MMS19: variants seen among roughly 807,000 people sequenced by gnomAD.
The protein encoded by MMS19 is MMS19 cytosolic iron-sulfur assembly component.
Under a neutral mutation model 129.8 loss-of-function variants are expected in MMS19, and 77 were observed. That is an observed-to-expected ratio of 0.59 (90% CI 0.49 to 0.72). The LOEUF (loss-of-function observed/expected upper bound fraction) is 0.72, where lower values mean the gene tolerates loss of function less well. MMS19 is among the 30% of genes least tolerant of loss of function. The probability of loss-of-function intolerance (pLI) is 0.00; values close to 1 mark genes in which losing one functional copy is unlikely to be tolerated. For missense variants in MMS19, 1,168 were observed against 1,266.3 expected (o/e 0.92, Z 1.18); for synonymous variants, 491 against 502.8 (o/e 0.98, Z 0.31).
Position 97,476,892 on chromosome 10 carries a change from T to C in MMS19, c.565A>G (p.Asn189Asp), listed in dbSNP as rs1393688756. 6 of 1,613,978 alleles carry C rather than the reference T, an allele frequency of 3.7e-6. No individual in the cohort carries two copies. Among genetic ancestry groups the C allele is most frequent in the Non-Finnish European group, 5.1e-6 (6 of 1,179,866 alleles). ...ACGATGCGGAAGGCCACCAGAAGAT[T>C]ACGGGGATCCTTTTCCCCATCCATC... Reference protein sequence around the residue: ...QVMDGEKDPRNLLVAFRIVHD... With the variant: ...QVMDGEKDPRDLLVAFRIVHD... The change falls in exon 7 of 31, where the codon AAT becomes GAT. Residue 189 changes from asparagine (N) to aspartate (D), a missense_variant. By Grantham distance (23) the Asn-to-Asp change is conservative. Around this residue, in one of 3 missense-constraint regions of MMS19, gnomAD observed 329 missense variants for 328.6 expected, o/e 1.00. Coordinates refer to ENST00000438925, the MANE Select transcript of MMS19 (RefSeq NM_022362.5).
intron 1 of MMS19, among the ~76,000 whole-genome samples, chr10:97,485,870 T>C (rs2037757714): frequency 6.6e-6 from 1 of 152,248 alleles, no homozygotes; most frequent in South Asian, 2.1e-4. Context: ...TTGTACACTG[T>C]TGGTGGGAAT....
chr10:97,468,860 C>T (rs910688703), intron 12 of MMS19, 106 bp downstream of exon 12: 58 of 1,226,184 alleles, frequency 4.7e-5, no homozygotes, highest in Middle Eastern at 2.3e-4. Flanking sequence ...CCACCCGCCT[C>T]GGCCTCCTAA....
At chr10:97,468,484 G>A in intron 12 of MMS19, 78 bp from the exon 13 acceptor site, 2 of 1,381,416 alleles carry the variant, frequency 1.4e-6, no homozygotes, top group African/African-American at 1.5e-5. Flanking sequence ...AGAGGTTGGA[G>A]ACTGAGACCC....
intron 8 of MMS19, among the ~76,000 whole-genome samples, chr10:97,475,279 G>C (rs1361812487): frequency 1.3e-5 from 2 of 152,050 alleles, no homozygotes; most frequent in Admixed American, 1.3e-4. Context: ...GGTGGTAAAA[G>C]CATTTGCTTA....
At chr10:97,464,035 CTG>C (rs1322312592) in intron 18 of MMS19, 22 bp from the exon 19 acceptor site, 1 of 1,604,218 alleles carries the variant, frequency 6.2e-7, no homozygotes, top group South Asian at 1.1e-5. Flanking sequence ...AAAGTGTTCT[CTG>C]TAAGGTTTGC....
In MMS19 at chr10:97,468,386, C is replaced by T. The variant is rs139679119; in HGVS notation, c.1084G>A (p.Glu362Lys). ...GGCCACACCAGTTTCATGTCCGGTT[C>T]ACACAGGTGGTGCCTGCAGTCTAGA... The part of the protein sequence containing the change: ...ILQDCRHHLC[E>K]PDMKLVWPSA... The change falls in exon 13 of 31, where the codon GAA (glutamate) becomes AAA (lysine). Residue 362 changes from glutamate to lysine, a missense_variant. Physicochemically the swap from Glu to Lys is moderately conservative, Grantham distance 56. This residue lies in a region of MMS19 where 831 missense variants were observed against 910.8 expected (regional missense o/e 0.91). Coordinates refer to ENST00000438925, the MANE Select transcript of MMS19 (RefSeq NM_022362.5). The T allele has an allele frequency of 1.2e-6, 2 of 1,610,136 alleles. No individual in the cohort carries two copies. The highest frequency in any genetic ancestry group is 1.7e-6 in the Non-Finnish European group (2 of 1,177,422).
At chr10:97,473,753 G>C (rs1019951747) in intron 8 of MMS19, among the ~76,000 whole-genome samples, 3 of 152,124 alleles carry the variant, frequency 2.0e-5, no homozygotes, top group Non-Finnish European at 4.4e-5. Flanking sequence ...TTGGGATATA[G>C]CTACTGTAGC....
chr10:97,489,430 T>G (rs1429857072), intron 1 of MMS19, among the ~76,000 whole-genome samples: 2 of 152,228 alleles, frequency 1.3e-5, no homozygotes, highest in African/African-American at 4.8e-5. Context: ...ATTTTACATT[T>G]ATAGCAAAGT....
At chr10:97,488,232 A>C (rs2038253482) in intron 1 of MMS19, among the ~76,000 whole-genome samples, 1 of 152,266 alleles carries the variant, frequency 6.6e-6, no homozygotes, top group Non-Finnish European at 1.5e-5. Context: ...TAAACTACAC[A>C]GAAACTTTTT....
At chr10:97,468,934 ACT>A in intron 12 of MMS19, 30 bp downstream of exon 12, 1 of 1,568,526 alleles carries the variant, frequency 6.4e-7, no homozygotes, top group Non-Finnish European at 8.6e-7. Flanking sequence ...TATTGTGCTC[ACT>A]CCCCTTCCTG....
At chr10:97,462,809 G>T (rs945626515) in intron 19 of MMS19, 127 bp from the exon 20 acceptor site, 13 of 711,770 alleles carry the variant, frequency 1.8e-5, no homozygotes, top group Middle Eastern at 3.8e-4. Context: ...TCTTAATCTG[G>T]TCTCTGGTAG....
intron 1 of MMS19, among the ~76,000 whole-genome samples, chr10:97,496,178 A>AT (rs869198353): frequency 1.8e-4 from 28 of 152,040 alleles, no homozygotes; most frequent in Non-Finnish European, 2.8e-4. Flanking sequence ...AGTTTAGACC[A>AT]TTTTTTTTCA....
intron 8 of MMS19, among the ~76,000 whole-genome samples, chr10:97,475,659 C>A (rs1471784418): frequency 6.6e-6 from 1 of 152,168 alleles, no homozygotes; most frequent in African/African-American, 2.4e-5. Context: ...ATTGCTTGAA[C>A]CCAGGAGGCA....
At chr10:97,470,594 T>A (rs2034482466) in intron 9 of MMS19, among the ~76,000 whole-genome samples, 181 bp downstream of exon 9, 1 of 152,086 alleles carries the variant, frequency 6.6e-6, no homozygotes, top group South Asian at 2.1e-4. Flanking sequence ...CAGCTCTGGA[T>A]TATGAAGAGA....
intron 3 of MMS19, among the ~76,000 whole-genome samples, chr10:97,480,508 G>C (rs2036592521): frequency 6.6e-6 from 1 of 152,088 alleles, no homozygotes; most frequent in South Asian, 2.1e-4. Flanking sequence ...CTTTACCTAT[G>C]AAATACTGCT....
At position 97,469,637 on chromosome 10, in the gene MMS19, G is replaced by A. The variant is rs2275583; in HGVS notation, c.924+9C>T. On this transcript the variant is annotated intron_variant, in intron 11 of 30. Coordinates refer to ENST00000438925, the MANE Select transcript of MMS19 (RefSeq NM_022362.5). ...TTAACAGTAGTGAGTTTATCTGAGT[G>A]ACACTCACCTCTCTGCGGATAGAAG... 452,714 of 1,604,942 alleles carry A rather than the reference G, an allele frequency of 0.28. 66,300 individuals are homozygous for A. The highest frequency in any genetic ancestry group is 0.47 in the East Asian group (20,969 of 44,814).
chr10:97,469,089 T>C lies in MMS19; in HGVS notation c.940A>G (p.Ser314Gly). 1 of 1,579,306 alleles carries C rather than the reference T, an allele frequency of 6.3e-7. No homozygotes were observed. Among genetic ancestry groups the C allele is most frequent in the Non-Finnish European group, 8.6e-7 (1 of 1,165,484 alleles). Residue 314 changes from serine to glycine, a missense_variant, in exon 12 of 31, where the codon AGT (serine) becomes GGT (glycine). Around this residue, in one of 3 missense-constraint regions of MMS19, gnomAD observed 831 missense variants for 910.8 expected, o/e 0.91. Coordinates refer to ENST00000438925, the MANE Select transcript of MMS19 (RefSeq NM_022362.5). Reference protein sequence around the residue: ...SIRREVFQTASERVEAEGLAA... With the variant: ...SIRREVFQTAGERVEAEGLAA... ...AGGCCCTCTGCCTCCACCCGCTCAC[T>C]TGCCGTCTGGAACACCTGTCAGGGA... is the stretch of plus-strand genomic sequence containing the variant.
chr10:97,460,712 A>G lies in MMS19; in HGVS notation c.2452T>C (p.Ser818Pro), dbSNP rs761061909. ...ALVLRYHPLS[S>P]CLTARLMGLL... ...GGACGTACCCGGGCTGTAAGGCAGG[A>G]GCTGAGAGGATGGTATCTGAGCACT... The change falls in exon 25 of 31, where the codon TCC becomes CCC. Residue 818 changes from serine to proline, a missense_variant. Ser to Pro is a moderately conservative substitution (Grantham distance 74). Coordinates refer to ENST00000438925, the MANE Select transcript of MMS19 (RefSeq NM_022362.5). The G allele has an allele frequency of 3.8e-6, 6 of 1,597,650 alleles. No individual in the cohort carries two copies. The highest frequency in any genetic ancestry group is 5.1e-6 in the Non-Finnish European group (6 of 1,171,614).
intron 18 of MMS19, among the ~76,000 whole-genome samples, chr10:97,464,673 A>G (rs533787974): frequency 4.0e-5 from 6 of 151,876 alleles, no homozygotes; most frequent in East Asian, 3.9e-4. Flanking sequence ...CAGATCCCAC[A>G]TGAAAATTAC....
Sources: gnomAD v4.1 joint callset for allele counts (sites outside exome capture counted in the v4.1 genomes callset) on GRCh38, gnomAD v4.1.1 for gene constraint, gnomAD v4.1.1 regional missense constraint, MANE v1.5 for transcripts, NCBI Gene and HGNC (gene_info 2026-07-23, HGNC 2026-07-21) for gene names.